TRABD2A: variants seen among roughly 807,000 people sequenced by gnomAD.
TRABD2A encodes the protein metalloprotease TIKI1.
TRABD2A carries 43 observed loss-of-function variants against 45.6 expected under a neutral mutation model. That is an observed-to-expected ratio of 0.94 (90% CI 0.74 to 1.22). TRABD2A has a LOEUF of 1.22. Ranked by LOEUF, TRABD2A falls within the 50% of genes most tolerant of loss-of-function variation. TRABD2A has a pLI of 0.00. For missense variants in TRABD2A, 642 were observed against 652.4 expected (o/e 0.98, Z 0.17); for synonymous variants, 269 against 265.0 (o/e 1.02, Z -0.15).
intron 4 of TRABD2A, chr2:84,835,530 C>T (rs1681476253): frequency 6.6e-6 from 1 of 152,238 alleles, no homozygotes; most frequent in Non-Finnish European, 1.5e-5. Flanking sequence ...CCTCCCACCT[C>T]AGCTTCCCAA....
At chr2:84,825,257 T>C (rs1681115790) in intron 5 of TRABD2A, among the ~76,000 whole-genome samples, 1 of 152,160 alleles carries the variant, frequency 6.6e-6, no homozygotes, top group Non-Finnish European at 1.5e-5. Context: ...TGAGGAACCA[T>C]CTACCTTACC....
rs199710307 is a variant in TRABD2A at position 84,841,920 on chromosome 2, T to G, written c.757A>C (p.Ile253Leu). 2 of 1,548,956 alleles carry G rather than the reference T, an allele frequency of 1.3e-6. No homozygotes were observed. Among genetic ancestry groups the G allele is most frequent in the Non-Finnish European group, 8.7e-7 (1 of 1,146,480 alleles). ...LQIPYTTEDL[I>L]KHYNCGDLSS... is the part of the protein sequence containing the mutation. ...AGGTCCCCGCAGTTATAGTGTTTGA[T>G]GAGATCCTCCGTCGTGTAGGGGATC... The change falls in exon 3 of 7, where the codon ATC becomes CTC. Residue 253 changes from isoleucine to leucine, a missense_variant. Ile to Leu is a conservative substitution (Grantham distance 5, BLOSUM62 2). Transcript: ENST00000409520.
At position 84,824,101 on chromosome 2, in the gene TRABD2A, G is replaced by A; in HGVS notation, c.1186C>T (p.His396Tyr). 4 of 1,613,914 alleles carry A rather than the reference G, an allele frequency of 2.5e-6. No individual in the cohort carries two copies. The highest frequency in any genetic ancestry group is 1.1e-5 in the South Asian group (1 of 91,054). ...GACACAAGGGGAGGCAGCGTTGAGT[G>A]CCCTGAGGATACGGCTTCTGGTGCC... ...VPAPEAVSSG[H>Y]STLPPLVSRP... The change falls in exon 6 of 7, where the codon CAC becomes TAC. Residue 396 changes from histidine to tyrosine, a missense_variant. Transcript: ENST00000409520.
intron 2 of TRABD2A, among the ~76,000 whole-genome samples, chr2:84,856,951 AC>A (rs895349760): frequency 2.6e-5 from 4 of 152,140 alleles, no homozygotes; most frequent in African/African-American, 9.7e-5. Flanking sequence ...CGGGGCCCTG[AC>A]CCAACAGGAC....
At chr2:84,840,269 T>C (rs1287864030) in intron 3 of TRABD2A, among the ~76,000 whole-genome samples, 1 of 152,192 alleles carries the variant, frequency 6.6e-6, no homozygotes, top group Non-Finnish European at 1.5e-5. Context: ...GCCTTCATCT[T>C]CTACTCTGTC....
rs1229328534 is a variant in TRABD2A at position 84,830,968 on chromosome 2, GC to G, written c.1082+1086del. On this transcript the variant is annotated intron_variant, in intron 5 of 6. Coordinates refer to ENST00000409520, the MANE Select transcript of TRABD2A (RefSeq NM_001277053.2). The surrounding 1 kb of genome is among the most constrained non-coding windows in gnomAD (Gnocchi z 4.9). Reference sequence around the variant, plus strand: ...GCTGAGACCTCTGCCAGGAGAGGGGGCTGCTGACCACAGATCGGGAGGCAGT... The same window carrying G: ...GCTGAGACCTCTGCCAGGAGAGGGGGTGCTGACCACAGATCGGGAGGCAGT... Among the ~76,000 whole-genome samples, 3 of 152,164 alleles carry G rather than the reference GC, an allele frequency of 2.0e-5. No homozygotes were observed. The highest frequency in any genetic ancestry group is 2.0e-4 in the Admixed American group (3 of 15,288).
At chr2:84,867,724 C>T (rs1682727308) in intron 2 of TRABD2A, among the ~76,000 whole-genome samples, 1 of 152,056 alleles carries the variant, frequency 6.6e-6, no homozygotes, top group South Asian at 2.1e-4. Context: ...ACAAAGAACT[C>T]AAACAAATTT....
chr2:84,845,079 G>A (rs549174339), intron 2 of TRABD2A, among the ~76,000 whole-genome samples: 15 of 152,286 alleles, frequency 9.8e-5, no homozygotes, highest in South Asian at 4.1e-4. Flanking sequence ...GGCCAGGCGC[G>A]GTGGCTCACA....
rs1681728550 is a variant in TRABD2A, at chr2:84,841,993, C to T, written c.684G>A (p.Leu228=). 2 of 1,520,176 alleles carry T rather than the reference C, an allele frequency of 1.3e-6. No homozygotes were observed. The highest frequency in any genetic ancestry group is 1.7e-4 in the Middle Eastern group (1 of 5,796). 94.2% of individuals were successfully genotyped at this position (1,520,176 alleles called of 1,614,324 possible). ...TTTCCTGCTGCAGGAGGGTCTGGTTCAAAGCAAAGATGACCTAAAAGAAAG... is the reference window on the plus strand; with the variant it reads ...TTTCCTGCTGCAGGAGGGTCTGGTTTAAAGCAAAGATGACCTAAAAGAAAG... ...GLNFSQVIFA[L]NQTLLQQESL... The change falls in exon 3 of 7, where the codon TTG becomes TTA. Residue 228 remains leucine (L), a synonymous_variant. Transcript: ENST00000409520.
At chr2:84,861,768 C>T (rs1001025475) in intron 2 of TRABD2A, among the ~76,000 whole-genome samples, 1 of 152,224 alleles carries the variant, frequency 6.6e-6, no homozygotes, top group Non-Finnish European at 1.5e-5. Context: ...GTATTCTGCT[C>T]AGCGATAAAC....
intron 2 of TRABD2A, among the ~76,000 whole-genome samples, chr2:84,868,631 G>A (rs1194407395): frequency 6.6e-6 from 1 of 151,980 alleles, no homozygotes; most frequent in African/African-American, 2.4e-5. Context: ...TAACAAACCT[G>A]CACGTTGTGC....
At chr2:84,860,649 G>A (rs1682466135) in intron 2 of TRABD2A, among the ~76,000 whole-genome samples, 1 of 152,240 alleles carries the variant, frequency 6.6e-6, no homozygotes. Flanking sequence ...CCTAGGGAGA[G>A]GACCAGAAAA....
At chr2:84,863,143 A>T (rs1682552260) in intron 2 of TRABD2A, among the ~76,000 whole-genome samples, 1 of 152,120 alleles carries the variant, frequency 6.6e-6, no homozygotes, top group South Asian at 2.1e-4. Flanking sequence ...GCCTAAGAAC[A>T]GGAAATAATA....
rs1056546755 is a variant in TRABD2A at position 84,873,764 on chromosome 2, C to A, written c.109-2979G>T. On this transcript the variant is annotated intron_variant, in intron 1 of 6. Coordinates refer to ENST00000409520, the MANE Select transcript of TRABD2A (RefSeq NM_001277053.2). ...TTACCTACAAATAGGTAGAGGCAGCCTTCGAAGAGTAATTTTAGTTTATTT... is the reference window on the plus strand; with the variant it reads ...TTACCTACAAATAGGTAGAGGCAGCATTCGAAGAGTAATTTTAGTTTATTT... 5.5e-4 allele frequency among the ~76,000 whole-genome samples: 83 copies of A among 152,278 alleles called. 1 individual carries two copies. The highest frequency in any genetic ancestry group is 4.8e-3 in the Admixed American group (74 of 15,302).
intron 2 of TRABD2A, among the ~76,000 whole-genome samples, chr2:84,853,065 C>T (rs542785314): frequency 2.0e-5 from 3 of 152,122 alleles, no homozygotes; most frequent in Admixed American, 6.5e-5. Context: ...TATTTGGAAA[C>T]AAGCTCTTGC....
chr2:84,834,259 A>C (rs1573921675), intron 4 of TRABD2A: 1 of 152,230 alleles, frequency 6.6e-6, no homozygotes. Flanking sequence ...ACAAATGTGC[A>C]CACGGTGCCC....
chr2:84,832,357 C>A (rs1431839161), intron 4 of TRABD2A: 13 of 573,606 alleles, frequency 2.3e-5, no homozygotes. Flanking sequence ...GAGACAATGA[C>A]ACTGAAGATC....
chr2:84,842,457 C>T (rs75204967), intron 2 of TRABD2A, among the ~76,000 whole-genome samples: 3,566 of 152,136 alleles, frequency 0.023, 52 homozygotes, highest in Non-Finnish European at 0.036. Flanking sequence ...CAGCTAATGG[C>T]GTCATTAGAT....
At chr2:84,826,350 T>C (rs1251540833) in intron 5 of TRABD2A, among the ~76,000 whole-genome samples, 2 of 152,064 alleles carry the variant, frequency 1.3e-5, no homozygotes, top group Admixed American at 1.3e-4. Flanking sequence ...TAGCCCTGGG[T>C]GGGGGTTGGA....
Sources: allele counts gnomAD v4.1 joint callset (sites outside exome capture counted in the v4.1 genomes callset), GRCh38; gene constraint gnomAD v4.1.1; non-coding constraint Gnocchi (gnomAD v3.1); transcripts MANE v1.5; gene names NCBI Gene and HGNC (gene_info 2026-07-23, HGNC 2026-07-21).